BRINP3: variants seen among roughly 807,000 people sequenced by gnomAD.
BRINP3 encodes BMP/retinoic acid-inducible neural-specific protein 3.
A neutral mutation model predicts 71.0 loss-of-function variants in BRINP3; 19 were observed. The ratio of observed to expected loss-of-function variants is 0.27; its 90% CI spans 0.19 to 0.39. BRINP3 has a LOEUF of 0.39. BRINP3 is among the 10% of genes least tolerant of loss of function. The pLI, the probability that BRINP3 is intolerant of heterozygous loss-of-function variation, is 1.00. For missense variants in BRINP3, 959 were observed against 940.8 expected, an observed-to-expected ratio of 1.02 and a Z score of -0.25; for synonymous variants, 380 against 337.7, an observed-to-expected ratio of 1.13 and a Z score of -1.37.
At chr1:190,114,153 G>A (rs1652926107) in intron 7 of BRINP3, among the ~76,000 whole-genome samples, 3 of 152,074 alleles carry the variant, frequency 2.0e-5, no homozygotes, top group Non-Finnish European at 2.9e-5. Flanking sequence ...CTGTAGAAGT[G>A]TATGGCATCT....
At chr1:190,194,785 G>A (rs1281069102) in intron 6 of BRINP3, among the ~76,000 whole-genome samples, 1 of 152,048 alleles carries the variant, frequency 6.6e-6, no homozygotes, top group East Asian at 1.9e-4. Context: ...AGCAGCTTCA[G>A]TATGGATTTT....
chr1:190,229,959 T>C (rs1199222034), intron 5 of BRINP3, among the ~76,000 whole-genome samples: 2 of 151,572 alleles, frequency 1.3e-5, no homozygotes, highest in Admixed American at 1.3e-4. Flanking sequence ...AAACAGACAA[T>C]ATGGCAAGGA....
At chr1:190,342,929 C>A (rs80229346) in intron 2 of BRINP3, among the ~76,000 whole-genome samples, 1 of 151,588 alleles carries the variant, frequency 6.6e-6, no homozygotes, top group South Asian at 2.1e-4. Flanking sequence ...AGACAGAAAA[C>A]GGTGTTAAGA....
chr1:190,469,013 A>C (rs1050011600), intron 1 of BRINP3, among the ~76,000 whole-genome samples: 1 of 151,030 alleles, frequency 6.6e-6, no homozygotes, highest in Non-Finnish European at 1.5e-5. Flanking sequence ...ACTTTGAATA[A>C]GTAGAAATGA....
chr1:190,335,455 A>G (rs1411138335), intron 2 of BRINP3, among the ~76,000 whole-genome samples: 1 of 151,846 alleles, frequency 6.6e-6, no homozygotes, highest in African/African-American at 2.4e-5. Flanking sequence ...TTTTACTTAC[A>G]TGTAGATGTT....
chr1:190,223,563 T>C (rs1434738793), intron 6 of BRINP3, among the ~76,000 whole-genome samples: 2 of 151,878 alleles, frequency 1.3e-5, no homozygotes. Context: ...CTGTGCTGAA[T>C]GAGAAAAATA....
At chr1:190,436,172 C>G (rs924893948) in intron 2 of BRINP3, among the ~76,000 whole-genome samples, 4 of 151,780 alleles carry the variant, frequency 2.6e-5, no homozygotes, top group Non-Finnish European at 4.4e-5. Flanking sequence ...ATAATTATAT[C>G]CTATTTTTAA....
chr1:190,320,401 G>T (rs1261244550), intron 2 of BRINP3, among the ~76,000 whole-genome samples: 1 of 152,114 alleles, frequency 6.6e-6, no homozygotes, highest in Non-Finnish European at 1.5e-5. Context: ...CCACTACACA[G>T]TTCAAAAGCA....
chr1:190,462,623 C>G (rs888509002), intron 1 of BRINP3, among the ~76,000 whole-genome samples: 1 of 152,066 alleles, frequency 6.6e-6, no homozygotes, highest in Non-Finnish European at 1.5e-5. Flanking sequence ...TTCTTCACAA[C>G]AAAATTAACA....
intron 2 of BRINP3, among the ~76,000 whole-genome samples, chr1:190,366,616 A>G (rs576060400): frequency 5.3e-5 from 8 of 152,184 alleles, no homozygotes; most frequent in Non-Finnish European, 1.0e-4. Context: ...GTCCTATGCC[A>G]AAGTCTCATC....
intron 7 of BRINP3, among the ~76,000 whole-genome samples, chr1:190,119,693 C>T (rs754311749): frequency 6.6e-6 from 1 of 152,144 alleles, no homozygotes; most frequent in Non-Finnish European, 1.5e-5. Flanking sequence ...GCATTTTATT[C>T]AGAAAAATCA....
chr1:190,249,288 C>A (rs74670881), intron 4 of BRINP3, among the ~76,000 whole-genome samples: 2 of 151,712 alleles, frequency 1.3e-5, no homozygotes, highest in Middle Eastern at 3.2e-3. Flanking sequence ...TAAACCTTCA[C>A]CAAATATGCA....
Position 190,097,923 on chromosome 1 carries a change from A to C in BRINP3, c.*95T>G. 7.5e-7 allele frequency: 1 copy of C among 1,328,716 alleles called. No homozygotes were observed. Among genetic ancestry groups the C allele is most frequent in the Non-Finnish European group, 1.0e-6 (1 of 973,336 alleles). 82.3% of individuals were successfully genotyped at this position (1,328,716 alleles called of 1,614,324 possible). A position where few individuals can be genotyped will look rare whatever the true frequency, so the allele number is the denominator to read the frequency against. On this transcript the variant is annotated 3_prime_UTR_variant, in exon 8 of 8. Coordinates refer to ENST00000367462, the MANE Select transcript of BRINP3 (RefSeq NM_199051.3). ...TGACTGATATAAGACAGATATTGAAAAGACAATTTAAATTTACTCTTCCAA... is the reference window on the plus strand; with the variant it reads ...TGACTGATATAAGACAGATATTGAACAGACAATTTAAATTTACTCTTCCAA...
chr1:190,189,178 C>T (rs1458530322), intron 6 of BRINP3, among the ~76,000 whole-genome samples: 1 of 152,058 alleles, frequency 6.6e-6, no homozygotes, highest in African/African-American at 2.4e-5. Context: ...TGGAATTATT[C>T]TCTATTCTTT....
At chr1:190,376,605 T>G (rs981086764) in intron 2 of BRINP3, among the ~76,000 whole-genome samples, 5 of 152,072 alleles carry the variant, frequency 3.3e-5, no homozygotes, top group African/African-American at 9.6e-5. Context: ...TACAAGTAAT[T>G]GTTAATTTGT....
chr1:190,433,425 C>T (rs1005986655), intron 2 of BRINP3, among the ~76,000 whole-genome samples: 7 of 152,134 alleles, frequency 4.6e-5, no homozygotes, highest in Non-Finnish European at 1.0e-4. Context: ...CATCATGTTA[C>T]TTGTCTTCCA....
chr1:190,153,313 G>T (rs1490883967), intron 7 of BRINP3, among the ~76,000 whole-genome samples: 1 of 152,094 alleles, frequency 6.6e-6, no homozygotes, highest in Non-Finnish European at 1.5e-5. Context: ...ACACATGAAA[G>T]ACATTTTGCA....
chr1:190,380,486 AT>A (rs976327944), intron 2 of BRINP3, among the ~76,000 whole-genome samples: 6 of 152,162 alleles, frequency 3.9e-5, no homozygotes, highest in African/African-American at 1.4e-4. Context: ...GGAGAAACAA[AT>A]TTTCTACATC....
At chr1:190,309,160 A>C (rs1198201549) in intron 2 of BRINP3, among the ~76,000 whole-genome samples, 1 of 149,084 alleles carries the variant, frequency 6.7e-6, no homozygotes, top group Non-Finnish European at 1.5e-5. Flanking sequence ...AATCTTGAGG[A>C]CATTATGCTA....
Sources: allele counts gnomAD v4.1 joint callset (sites outside exome capture counted in the v4.1 genomes callset), GRCh38; gene constraint gnomAD v4.1.1; transcripts MANE v1.5; gene names NCBI Gene and HGNC (gene_info 2026-07-23, HGNC 2026-07-21).